The following PPP6R3 variants were observed in gnomAD, a reference collection of about 807,000 sequenced individuals.
PPP6R3 encodes the protein protein phosphatase 6 regulatory subunit 3, also known as serine/threonine-protein phosphatase 6 regulatory subunit 3.
In PPP6R3, 38 loss-of-function variants were observed where a neutral mutation model predicts 110.7. That is an observed-to-expected ratio of 0.34 (90% CI 0.26 to 0.45). The LOEUF is 0.45. PPP6R3 is among the 20% of genes least tolerant of loss of function. PPP6R3 has a pLI of 1.00. For missense variants in PPP6R3, 870 were observed against 1,062.4 expected, an observed-to-expected ratio of 0.82 and a Z score of 2.52; for synonymous variants, 369 against 373.5, an observed-to-expected ratio of 0.99 and a Z score of 0.14.
chr11:68,532,156 G>A (rs1233099034), intron 2 of PPP6R3, among the ~76,000 whole-genome samples: 1 of 152,160 alleles, frequency 6.6e-6, no homozygotes, highest in Non-Finnish European at 1.5e-5. Flanking sequence ...TGAATTCAAG[G>A]TACTTGGCCT....
chr11:68,474,600 C>T (rs1292092753), intron 1 of PPP6R3, among the ~76,000 whole-genome samples: 3 of 152,104 alleles, frequency 2.0e-5, no homozygotes, highest in Non-Finnish European at 4.4e-5. Context: ...TGTAGTATTT[C>T]CTCATTTGTC....
Position 68,537,700 on chromosome 11 carries a change from C to G in PPP6R3, c.36C>G (p.His12Gln), listed in dbSNP as rs769433836. ...AATTTGATCTTCACTCATCATCCCACATAGACACACTTCTAGAAAGAGAAG... is the reference window on the plus strand; with the variant it reads ...AATTTGATCTTCACTCATCATCCCAGATAGACACACTTCTAGAAAGAGAAG... ...FWKFDLHSSS[H>Q]IDTLLEREDV... Residue 12 changes from histidine (H) to glutamine (Q), a missense_variant, in exon 3 of 24, where the codon CAC (histidine) becomes CAG (glutamine). Physicochemically the swap from His to Gln is conservative, Grantham distance 24. Transcript: ENST00000393800. 3 of 1,612,114 alleles carry G rather than the reference C, an allele frequency of 1.9e-6. No individual in the cohort carries two copies. In the Admixed American group the frequency reaches 5.0e-5, roughly 27 times the overall value.
chr11:68,580,922 C>T (rs2099551904), intron 14 of PPP6R3, among the ~76,000 whole-genome samples: 1 of 151,944 alleles, frequency 6.6e-6, no homozygotes, highest in African/African-American at 2.4e-5. Context: ...CAGGCACCCG[C>T]CACCGTGCCC....
chr11:68,493,829 A>G (rs140055965), intron 1 of PPP6R3, among the ~76,000 whole-genome samples: 1,565 of 151,660 alleles, frequency 0.01, 21 homozygotes, highest in African/African-American at 0.036. Context: ...CCGGCCAGGC[A>G]CTGTGGCTCC....
chr11:68,529,874 A>C (rs1366466029), intron 2 of PPP6R3, among the ~76,000 whole-genome samples: 7 of 152,120 alleles, frequency 4.6e-5, no homozygotes, highest in Non-Finnish European at 1.0e-4. Flanking sequence ...GTAGCTGTGG[A>C]AGGAGATGGG....
At chr11:68,514,608 G>A (rs934615544) in intron 1 of PPP6R3, among the ~76,000 whole-genome samples, 2 of 151,278 alleles carry the variant, frequency 1.3e-5, no homozygotes, top group East Asian at 2.0e-4. Context: ...TTTTTGAGAC[G>A]GAGTCTTGCT....
chr11:68,584,368 C>T (rs2153829783), intron 15 of PPP6R3, among the ~76,000 whole-genome samples: 1 of 152,314 alleles, frequency 6.6e-6, no homozygotes, highest in Admixed American at 6.5e-5. Context: ...TGGGCTCTCC[C>T]TCCACTGAGG....
intron 7 of PPP6R3, among the ~76,000 whole-genome samples, chr11:68,555,267 A>G (rs928536638): frequency 1.8e-4 from 27 of 152,320 alleles, no homozygotes; most frequent in African/African-American, 6.3e-4. Context: ...AACATATAAG[A>G]CACCCCACAT....
intron 18 of PPP6R3, among the ~76,000 whole-genome samples, chr11:68,594,882 G>A (rs906284455): frequency 1.2e-4 from 18 of 152,140 alleles, no homozygotes; most frequent in African/African-American, 4.3e-4. Context: ...ATAGATCAGT[G>A]GAACAGAATA....
chr11:68,520,506 G>A (rs2099158834), intron 2 of PPP6R3, among the ~76,000 whole-genome samples: 1 of 152,150 alleles, frequency 6.6e-6, no homozygotes, highest in African/African-American at 2.4e-5. Context: ...ACTGGCAGGT[G>A]GATGTTTCCT....
intron 22 of PPP6R3, 91 bp downstream of exon 22, chr11:68,603,583 C>A: frequency 6.9e-7 from 1 of 1,453,992 alleles, no homozygotes; most frequent in Non-Finnish European, 9.5e-7. Context: ...TAATTTGATT[C>A]AAATGAATGT....
At chr11:68,510,605 T>C (rs2099104013) in intron 1 of PPP6R3, among the ~76,000 whole-genome samples, 1 of 152,020 alleles carries the variant, frequency 6.6e-6, no homozygotes. Flanking sequence ...CAAAATGTTG[T>C]GATTATAGGC....
chr11:68,481,937 C>G (rs1353284064), intron 1 of PPP6R3, among the ~76,000 whole-genome samples: 1 of 152,082 alleles, frequency 6.6e-6, no homozygotes, highest in Admixed American at 6.6e-5. Flanking sequence ...GGGAGGCAGT[C>G]TGGCCATAGC....
intron 1 of PPP6R3, among the ~76,000 whole-genome samples, chr11:68,462,334 T>G: frequency 6.6e-6 from 1 of 152,228 alleles, no homozygotes. Flanking sequence ...TTATTTTAAT[T>G]TTTTCAGGAC....
intron 1 of PPP6R3, among the ~76,000 whole-genome samples, chr11:68,514,052 G>T (rs549963556): frequency 6.6e-6 from 1 of 152,106 alleles, no homozygotes; most frequent in Non-Finnish European, 1.5e-5. Flanking sequence ...GTAGTTATAC[G>T]CATTTTAATG....
intron 23 of PPP6R3, 39 bp from the exon 24 acceptor site, chr11:68,613,027 T>C: frequency 1.2e-6 from 2 of 1,614,120 alleles, no homozygotes; most frequent in Non-Finnish European, 1.7e-6. Context: ...TTCATATTTC[T>C]GCTGCAAGTG....
At chr11:68,547,015 A>G (rs1332600653) in intron 4 of PPP6R3, among the ~76,000 whole-genome samples, 2 of 152,228 alleles carry the variant, frequency 1.3e-5, no homozygotes, top group Non-Finnish European at 2.9e-5. Flanking sequence ...CTCATTGTCT[A>G]GAGAAGCAAT....
chr11:68,480,827 C>T (rs1457536417), intron 1 of PPP6R3, among the ~76,000 whole-genome samples: 2 of 152,180 alleles, frequency 1.3e-5, no homozygotes, highest in South Asian at 4.1e-4. Flanking sequence ...GATTTTTTCC[C>T]CCTCCTTCAA....
intron 10 of PPP6R3, among the ~76,000 whole-genome samples, chr11:68,568,772 A>G (rs191193853): frequency 2.8e-5 from 4 of 144,000 alleles, no homozygotes; most frequent in Non-Finnish European, 4.6e-5. Flanking sequence ...AATTCTTACA[A>G]TTTTTTTTTT....
Sources: allele counts gnomAD v4.1 joint callset (sites outside exome capture counted in the v4.1 genomes callset), GRCh38; gene constraint gnomAD v4.1.1; transcripts MANE v1.5; gene names NCBI Gene and HGNC (gene_info 2026-07-23, HGNC 2026-07-21).